PLEKHM3: variants seen among roughly 807,000 people sequenced by gnomAD.
PLEKHM3 encodes pleckstrin homology domain-containing family M member 3.
PLEKHM3 carries 45 observed loss-of-function variants against 81.8 expected under a neutral mutation model. The ratio of observed to expected loss-of-function variants is 0.55; its 90% CI spans 0.43 to 0.71. The LOEUF is 0.71. Ranked by LOEUF, PLEKHM3 falls within the 30% of genes least tolerant of loss-of-function variation. The pLI, the probability that PLEKHM3 is intolerant of heterozygous loss-of-function variation, is 0.00. For synonymous variants in PLEKHM3, 352 were observed against 356.4 expected, an observed-to-expected ratio of 0.99 and a Z score of 0.14; for missense variants, 788 against 924.3, an observed-to-expected ratio of 0.85 and a Z score of 1.91.
At chr2:207,984,159 C>T (rs1212148445) in intron 2 of PLEKHM3, among the ~76,000 whole-genome samples, 1 of 152,240 alleles carries the variant, frequency 6.6e-6, no homozygotes, top group Non-Finnish European at 1.5e-5. Flanking sequence ...ATTCTTCTTT[C>T]ATCCCTCTTA....
At chr2:208,016,649 CAA>C (rs1234374383) in intron 1 of PLEKHM3, among the ~76,000 whole-genome samples, 37 of 66,250 alleles carry the variant, frequency 5.6e-4, no homozygotes, top group African/African-American at 1.5e-3. Context: ...GACTTTGTCT[CAA>C]AAAAAAAAAA....
At chr2:207,970,283 A>AAC (rs2106016056) in intron 3 of PLEKHM3, among the ~76,000 whole-genome samples, 1 of 136,388 alleles carries the variant, frequency 7.3e-6, no homozygotes, top group South Asian at 2.1e-4. Context: ...ACAAAAATGA[A>AAC]ACTCTCTCTC....
chr2:207,962,672 G>C lies in PLEKHM3; in HGVS notation c.1546+13979C>G, dbSNP rs1690777421. On this transcript the variant is annotated intron_variant, in intron 3 of 7. Coordinates refer to ENST00000427836, the MANE Select transcript of PLEKHM3 (RefSeq NM_001080475.3). ...AGAGGGCTGAGCCTTTAATTTGTGAGGTCTGTGCTAATTCCGGGTGGTCAG... is the reference window on the plus strand; with the variant it reads ...AGAGGGCTGAGCCTTTAATTTGTGACGTCTGTGCTAATTCCGGGTGGTCAG... Among the ~76,000 whole-genome samples the C allele has an allele frequency of 2.6e-5, 4 of 152,138 alleles. No individual in the cohort carries two copies. The South Asian group carries it at 8.3e-4, about 32-fold the overall frequency.
At chr2:207,960,667 A>G (rs947834479) in intron 3 of PLEKHM3, among the ~76,000 whole-genome samples, 1 of 152,220 alleles carries the variant, frequency 6.6e-6, no homozygotes, top group Admixed American at 6.5e-5. Flanking sequence ...GGAAAGGGAA[A>G]GGCACTCAGA....
chr2:207,977,078 G>A lies in PLEKHM3; in HGVS notation c.1119C>T (p.Val373=), dbSNP rs1691340304. Residue 373 remains valine, a synonymous_variant, in exon 3 of 8, where the codon GTC becomes GTT. Transcript: ENST00000427836. ...ATGTAAATGCCTTCCAGTTGTTTTG[G>A]ACAGTCAGCCTGTAGAGAGTCCCTG... ...LKSGTLYRLT[V]QNNWKAFTFV... The A allele has an allele frequency of 1.2e-6, 2 of 1,614,106 alleles. No individual in the cohort carries two copies. The highest frequency in any genetic ancestry group is 1.7e-6 in the Non-Finnish European group (2 of 1,180,046).
chr2:207,845,810 A>C (rs1284629476), intron 7 of PLEKHM3, among the ~76,000 whole-genome samples: 1 of 152,246 alleles, frequency 6.6e-6, no homozygotes, highest in Non-Finnish European at 1.5e-5. Flanking sequence ...TGGAGCAGTG[A>C]GCAAAATATA....
intron 7 of PLEKHM3, among the ~76,000 whole-genome samples, chr2:207,828,853 G>A (rs2092268261): frequency 6.6e-6 from 1 of 152,104 alleles, no homozygotes; most frequent in Non-Finnish European, 1.5e-5. Flanking sequence ...AATGAGAGGG[G>A]AGTGCCTCGT....
chr2:208,003,751 T>C (rs1473978318), intron 1 of PLEKHM3, among the ~76,000 whole-genome samples: 2 of 152,230 alleles, frequency 1.3e-5, no homozygotes, highest in African/African-American at 2.4e-5. Flanking sequence ...TAACAGGGTT[T>C]TAGTGCTTCT....
chr2:207,963,239 G>A (rs921847133), intron 3 of PLEKHM3, among the ~76,000 whole-genome samples: 1 of 151,886 alleles, frequency 6.6e-6, no homozygotes, highest in African/African-American at 2.4e-5. Flanking sequence ...AACTGCATAT[G>A]CAAAGGCTCT....
intron 5 of PLEKHM3, among the ~76,000 whole-genome samples, chr2:207,919,395 G>A (rs1215977459): frequency 2.0e-5 from 3 of 152,132 alleles, no homozygotes; most frequent in African/African-American, 4.8e-5. Context: ...TGGGCCAGGA[G>A]TGACATCATC....
chr2:207,936,404 A>G (rs1689752776), intron 4 of PLEKHM3, among the ~76,000 whole-genome samples: 1 of 152,252 alleles, frequency 6.6e-6, no homozygotes, highest in Non-Finnish European at 1.5e-5. Flanking sequence ...GAACAAATGA[A>G]TGAATAATTT....
intron 3 of PLEKHM3, among the ~76,000 whole-genome samples, chr2:207,974,163 TG>T (rs1305125007): frequency 1.3e-5 from 2 of 152,240 alleles, no homozygotes; most frequent in African/African-American, 2.4e-5. Flanking sequence ...CTAAGGCAGC[TG>T]CCAGAAATTT....
At chr2:207,846,777 G>A (rs1382316630) in intron 7 of PLEKHM3, among the ~76,000 whole-genome samples, 3 of 151,574 alleles carry the variant, frequency 2.0e-5, no homozygotes, top group Non-Finnish European at 4.4e-5. Context: ...TAAGTTTATA[G>A]ATTAAATGTG....
At chr2:207,829,123 G>C (rs1464788678) in intron 7 of PLEKHM3, among the ~76,000 whole-genome samples, 1 of 152,120 alleles carries the variant, frequency 6.6e-6, no homozygotes, top group African/African-American at 2.4e-5. Flanking sequence ...ATTAAAGCAG[G>C]AGACAGTGGG....
At chr2:207,907,256 C>G (rs1688639872) in intron 6 of PLEKHM3, among the ~76,000 whole-genome samples, 1 of 152,176 alleles carries the variant, frequency 6.6e-6, no homozygotes, top group African/African-American at 2.4e-5. Flanking sequence ...AATACCAGCA[C>G]TTTAGGAGGC....
intron 6 of PLEKHM3, among the ~76,000 whole-genome samples, chr2:207,877,500 T>C (rs116535940): frequency 1.3e-5 from 2 of 152,208 alleles, no homozygotes; most frequent in Non-Finnish European, 2.9e-5. Context: ...CTGTCCTTCA[T>C]GAATGTGACT....
At chr2:207,833,004 T>G (rs7581917) in intron 7 of PLEKHM3, among the ~76,000 whole-genome samples, 5 of 150,626 alleles carry the variant, frequency 3.3e-5, no homozygotes, top group Non-Finnish European at 5.9e-5. Flanking sequence ...CCCAGCTACC[T>G]GTGAGGCTAA....
chr2:207,962,970 A>G (rs1690790734), intron 3 of PLEKHM3, among the ~76,000 whole-genome samples: 1 of 151,704 alleles, frequency 6.6e-6, no homozygotes, highest in South Asian at 2.1e-4. Flanking sequence ...CAAGATTATA[A>G]TTGGTTTGCT....
chr2:207,895,452 T>C (rs1688193329), intron 6 of PLEKHM3, among the ~76,000 whole-genome samples: 1 of 152,262 alleles, frequency 6.6e-6, no homozygotes, highest in Non-Finnish European at 1.5e-5. Flanking sequence ...TACCCGTGAT[T>C]GCCTAGCCTA....
Sources: gnomAD v4.1 joint callset for allele counts (sites outside exome capture counted in the v4.1 genomes callset) on GRCh38, gnomAD v4.1.1 for gene constraint, MANE v1.5 for transcripts, NCBI Gene and HGNC (gene_info 2026-07-23, HGNC 2026-07-21) for gene names.